Variants in AFF3 observed in about 807,000 individuals in gnomAD.
AFF3 encodes ALF transcription elongation factor 3.
AFF3 carries 32 observed loss-of-function variants against 129.7 expected under a neutral mutation model. The observed-to-expected ratio is 0.25, with a 90% CI of 0.19 to 0.33. The LOEUF is 0.33. Among genes scored for constraint, AFF3 ranks in the 10% least tolerant of loss-of-function variants. The pLI is 1.00. For missense variants in AFF3, 1,373 were observed against 1,592.0 expected, an observed-to-expected ratio of 0.86 and a Z score of 2.34; for synonymous variants, 644 against 635.4, an observed-to-expected ratio of 1.01 and a Z score of -0.20.
intron 12 of AFF3, among the ~76,000 whole-genome samples, chr2:99,655,475 T>C (rs1276089186): frequency 2.6e-5 from 4 of 152,144 alleles, no homozygotes; most frequent in Non-Finnish European, 5.9e-5. Flanking sequence ...AGCTCTAGTT[T>C]GGGAGCAAAG....
At chr2:99,897,637 G>C (rs777635061) in intron 7 of AFF3, among the ~76,000 whole-genome samples, 2 of 152,262 alleles carry the variant, frequency 1.3e-5, no homozygotes, top group East Asian at 1.9e-4. Context: ...TTTAGTGCCC[G>C]GTTCTAACTT....
At chr2:99,926,547 T>A (rs1387126996) in intron 7 of AFF3, among the ~76,000 whole-genome samples, 1 of 152,200 alleles carries the variant, frequency 6.6e-6, no homozygotes, top group Non-Finnish European at 1.5e-5. Flanking sequence ...TAAATTAGAA[T>A]ACGGATTAGC....
intron 7 of AFF3, among the ~76,000 whole-genome samples, chr2:99,997,290 C>T (rs772829371): frequency 2.0e-5 from 3 of 152,178 alleles, no homozygotes; most frequent in Non-Finnish European, 4.4e-5. Context: ...AAACCTGCCT[C>T]ACACATAGTT....
intron 7 of AFF3, among the ~76,000 whole-genome samples, chr2:99,944,063 G>A (rs752259664): frequency 2.3e-4 from 35 of 151,946 alleles, no homozygotes; most frequent in Non-Finnish European, 4.7e-4. Flanking sequence ...CCATGCCTAG[G>A]TAGTGATTTC....
intron 8 of AFF3, among the ~76,000 whole-genome samples, chr2:99,764,330 A>G (rs1048779155): frequency 6.6e-6 from 1 of 152,128 alleles, no homozygotes; most frequent in African/African-American, 2.4e-5. Flanking sequence ...GGATTAGAAC[A>G]TTGAGAAAAG....
At chr2:100,105,254 G>A (rs1310997862) in intron 3 of AFF3, 1 of 1,116,986 alleles carries the variant, frequency 9.0e-7, no homozygotes, top group Non-Finnish European at 1.1e-6. Flanking sequence ...CGGCGGACCC[G>A]GGTGGGTGCG....
At chr2:99,580,556 G>A (rs1402174342) in intron 17 of AFF3, among the ~76,000 whole-genome samples, 1 of 152,156 alleles carries the variant, frequency 6.6e-6, no homozygotes, top group African/African-American at 2.4e-5. Context: ...ACGTTGCACA[G>A]GACAGCCCCA....
chr2:100,025,607 AAG>A (rs1331262976), intron 4 of AFF3, among the ~76,000 whole-genome samples: 2 of 152,212 alleles, frequency 1.3e-5, no homozygotes, highest in Non-Finnish European at 2.9e-5. Context: ...ACTAAGTAAA[AAG>A]AACAAATCTG....
At chr2:99,987,710 C>A (rs17023370) in intron 7 of AFF3, among the ~76,000 whole-genome samples, 1,986 of 152,270 alleles carry the variant, frequency 0.013, 54 homozygotes, top group African/African-American at 0.045. Context: ...TCTGCTACCC[C>A]AAAGGAAGGT....
chr2:99,924,558 T>C (rs1169761283), intron 7 of AFF3, among the ~76,000 whole-genome samples: 1 of 152,190 alleles, frequency 6.6e-6, no homozygotes, highest in Non-Finnish European at 1.5e-5. Flanking sequence ...CAAATAATAG[T>C]TGTATTCTCA....
At chr2:99,560,531 T>A in intron 20 of AFF3, 95 bp from the exon 21 acceptor site, 4 of 1,129,620 alleles carry the variant, frequency 3.5e-6, no homozygotes, top group Non-Finnish European at 5.2e-6. Flanking sequence ...TCTATGATGG[T>A]AGTTCTCCCT....
intron 13 of AFF3, among the ~76,000 whole-genome samples, chr2:99,637,353 A>C (rs552060389): frequency 2.7e-4 from 41 of 152,376 alleles, no homozygotes; most frequent in African/African-American, 9.9e-4. Context: ...CGCCCACTGC[A>C]GGCACAGGCA....
At chr2:100,002,519 A>G (rs1681516327) in intron 7 of AFF3, among the ~76,000 whole-genome samples, 1 of 152,250 alleles carries the variant, frequency 6.6e-6, no homozygotes, top group Non-Finnish European at 1.5e-5. Flanking sequence ...AACAAATAAA[A>G]TTCTGATCAA....
At chr2:99,960,887 T>C (rs952304404) in intron 7 of AFF3, among the ~76,000 whole-genome samples, 13 of 152,182 alleles carry the variant, frequency 8.5e-5, no homozygotes, top group Non-Finnish European at 1.5e-4. Flanking sequence ...CCAACCCCCA[T>C]GATGTGCGGC....
At chr2:99,951,356 C>T (rs1022199791) in intron 7 of AFF3, among the ~76,000 whole-genome samples, 1 of 152,202 alleles carries the variant, frequency 6.6e-6, no homozygotes, top group Non-Finnish European at 1.5e-5. Flanking sequence ...ACTTGCCTAA[C>T]CCTGCCAAAT....
chr2:99,937,152 C>A (rs926267201), intron 7 of AFF3, among the ~76,000 whole-genome samples: 1 of 152,062 alleles, frequency 6.6e-6, no homozygotes, highest in African/African-American at 2.4e-5. Flanking sequence ...ATCCCAAATC[C>A]ATAAATTTGA....
intron 8 of AFF3, among the ~76,000 whole-genome samples, chr2:99,805,097 T>C (rs1686236283): frequency 6.6e-6 from 1 of 152,188 alleles, no homozygotes; most frequent in South Asian, 2.1e-4. Context: ...AATATATGTA[T>C]TTTAACAAGT....
intron 4 of AFF3, among the ~76,000 whole-genome samples, chr2:100,066,934 GACA>G (rs1257109009): frequency 6.6e-6 from 1 of 152,170 alleles, no homozygotes; most frequent in Non-Finnish European, 1.5e-5. Context: ...ACATTTTAGA[GACA>G]ACAACAGGAG....
At chr2:99,564,549 G>A (rs1476797918) in intron 20 of AFF3, among the ~76,000 whole-genome samples, 1 of 152,170 alleles carries the variant, frequency 6.6e-6, no homozygotes, top group Non-Finnish European at 1.5e-5. Flanking sequence ...CTTTATGGAG[G>A]TGATGTGTTC....
Sources: allele counts gnomAD v4.1 joint callset (sites outside exome capture counted in the v4.1 genomes callset), GRCh38; gene constraint gnomAD v4.1.1; transcripts MANE v1.5; gene names NCBI Gene and HGNC (gene_info 2026-07-23, HGNC 2026-07-21).